Variants in SEC14L1 observed in about 807,000 individuals in gnomAD.
SEC14L1 encodes the protein SEC14-like protein 1.
A neutral mutation model predicts 85.3 loss-of-function variants in SEC14L1; 48 were observed. That is an observed-to-expected ratio of 0.56 (90% CI 0.45 to 0.72). SEC14L1 has a LOEUF of 0.72. Ranked by LOEUF, SEC14L1 falls within the 30% of genes least tolerant of loss-of-function variation. SEC14L1 has a pLI of 0.00. For synonymous variants in SEC14L1, 391 were observed against 355.5 expected (o/e 1.10, Z -1.12); for missense variants, 682 against 921.4 (o/e 0.74, Z 3.36).
At chr17:77,197,630 T>TA (rs1338568137) in intron 8 of SEC14L1, among the ~76,000 whole-genome samples, 1 of 151,646 alleles carries the variant, frequency 6.6e-6, no homozygotes, top group Non-Finnish European at 1.5e-5. Flanking sequence ...TTTTTTTTTT[T>TA]ATATATGTAT....
chr17:77,172,816 GAA>G (rs1567908648), intron 3 of SEC14L1, among the ~76,000 whole-genome samples: 1 of 152,138 alleles, frequency 6.6e-6, no homozygotes, highest in Admixed American at 6.5e-5. Context: ...TTTGGATGCG[GAA>G]TACAGATTTT....
At chr17:77,181,264 C>T (rs1168903012) in intron 3 of SEC14L1, 3 of 152,442 alleles carry the variant, frequency 2.0e-5, no homozygotes, top group Admixed American at 6.5e-5. Flanking sequence ...CTGCAGACAT[C>T]ACCACCCCAG....
At chr17:77,102,155 T>A (rs1449287676) in intron 3 of SEC14L1, among the ~76,000 whole-genome samples, 2 of 152,224 alleles carry the variant, frequency 1.3e-5, no homozygotes, top group African/African-American at 4.8e-5. Context: ...CAAAACGCGT[T>A]GAGCATCACA....
chr17:77,205,161 T>C, intron 10 of SEC14L1, 115 bp from the exon 11 acceptor site: 1 of 859,114 alleles, frequency 1.2e-6, no homozygotes, highest in Non-Finnish European at 1.9e-6. Flanking sequence ...TAGGTGACTT[T>C]TTTGATTTAC....
At position 77,161,712 on chromosome 17, in the gene SEC14L1, CTTTTTTTTTTT is replaced by C. The variant is rs763767954; in HGVS notation, c.63+18067_63+18077del. On this transcript the variant is annotated intron_variant, in intron 3 of 16. Transcript: ENST00000436233. ...AATCAGCTGGGTCCTTAAATTGGTTCTTTTTTTTTTTTTTTTTTTTTTTTAAACAACCAGAG... is the reference window on the plus strand; with the variant it reads ...AATCAGCTGGGTCCTTAAATTGGTTCTTTTTTTTTTTTTAAACAACCAGAG... Among the ~76,000 whole-genome samples, 5 of 103,052 alleles carry C rather than the reference CTTTTTTTTTTT, an allele frequency of 4.9e-5. 1 individual carries two copies. The highest frequency in any genetic ancestry group is 3.5e-4 in the South Asian group (1 of 2,882). 67.6% of individuals were successfully genotyped at this position (103,052 alleles called of 152,430 possible).
intron 3 of SEC14L1, among the ~76,000 whole-genome samples, chr17:77,131,784 A>G (rs988399656): frequency 4.6e-5 from 7 of 152,218 alleles, no homozygotes; most frequent in African/African-American, 1.7e-4. Context: ...TAGTCAATGT[A>G]CTTTTTGCAC....
upstream of SEC14L1, among the ~76,000 whole-genome samples, chr17:77,138,672 A>G (rs986156538): frequency 6.6e-6 from 1 of 152,124 alleles, no homozygotes; most frequent in Non-Finnish European, 1.5e-5. Context: ...AAAAATAGCA[A>G]AAAGTAGCCA....
intron 3 of SEC14L1, among the ~76,000 whole-genome samples, chr17:77,112,861 G>A (rs1407265076): frequency 2.0e-5 from 3 of 150,176 alleles, no homozygotes; most frequent in South Asian, 2.1e-4. Context: ...GCGACAGAGC[G>A]AGACTCAAAA....
intron 7 of SEC14L1, 63 bp downstream of exon 7, chr17:77,194,974 C>T (rs976123166): frequency 8.6e-7 from 1 of 1,164,494 alleles, no homozygotes; most frequent in Middle Eastern, 1.9e-4. Flanking sequence ...GCCGTTTTCT[C>T]TCTGTTTGCT....
chr17:77,144,530 G>A (rs1973191889), intron 3 of SEC14L1: 1 of 152,210 alleles, frequency 6.6e-6, no homozygotes, highest in South Asian at 2.1e-4. Context: ...GTATGTTTGT[G>A]GGATTTATAT....
At chr17:77,181,834 T>C (rs1013800940) in intron 3 of SEC14L1, among the ~76,000 whole-genome samples, 1 of 152,214 alleles carries the variant, frequency 6.6e-6, no homozygotes, top group African/African-American at 2.4e-5. Context: ...TGTAAAGAGC[T>C]GTTACTTTGA....
In SEC14L1 at chr17:77,206,510, C is replaced by T; in HGVS notation, c.1341+110C>T. 7.5e-7 allele frequency: 1 copy of T among 1,327,694 alleles called. No homozygotes were observed. The highest frequency in any genetic ancestry group is 1.0e-6 in the Non-Finnish European group (1 of 975,664). The allele number at this position is 1,327,694 out of a possible 1,614,324, so 82.2% of individuals were successfully genotyped here. A position where few individuals can be genotyped will look rare whatever the true frequency, so the allele number is the denominator to read the frequency against. ...AGTCTTAACTTCTTAGGAAAAAAAA[C>T]AATAACATGCAAAGATATAAAATTT... On this transcript the variant is annotated intron_variant, in intron 12 of 16. Transcript: ENST00000436233. The surrounding 1 kb of genome is among the most constrained non-coding windows in gnomAD (Gnocchi z 4.3).
At chr17:77,093,996 G>A (rs1468885616) in intron 3 of SEC14L1, 1 of 152,266 alleles carries the variant, frequency 6.6e-6, no homozygotes, top group Non-Finnish European at 1.5e-5. Context: ...TTTAGACGTG[G>A]TAGCTATGTT....
chr17:77,091,083 TTTTTG>T (rs1208592121), intron 2 of SEC14L1, among the ~76,000 whole-genome samples: 9 of 150,576 alleles, frequency 6.0e-5, no homozygotes, highest in Non-Finnish European at 7.4e-5. Flanking sequence ...ATTTTTGGGG[TTTTTG>T]TTTTGTTTTG....
At chr17:77,115,098 C>T (rs1033098982) in intron 3 of SEC14L1, among the ~76,000 whole-genome samples, 2 of 152,190 alleles carry the variant, frequency 1.3e-5, no homozygotes, top group African/African-American at 2.4e-5. Flanking sequence ...TTTTATATAA[C>T]TTGCAGCCCC....
chr17:77,205,436 T>G (rs1976416864), intron 11 of SEC14L1, 90 bp downstream of exon 11: 1 of 1,185,728 alleles, frequency 8.4e-7, no homozygotes, highest in East Asian at 2.4e-5. Flanking sequence ...ATCTACTTAT[T>G]ATTTTCCAAG....
In SEC14L1 at chr17:77,216,358, G is replaced by T. The variant is rs973387775; in HGVS notation, c.*2335G>T. 7.2e-7 allele frequency: 1 copy of T among 1,392,330 alleles called. No individual in the cohort carries two copies. The allele number at this position is 1,392,330 out of a possible 1,614,324, so 86.2% of individuals were successfully genotyped here. A position where few individuals can be genotyped will look rare whatever the true frequency, so the allele number is the denominator to read the frequency against. Reference sequence around the variant, plus strand: ...TAGGTAGGGTTAGTAGGTAGGGCTAGTAGGTAGGGCTAGTAGGTAGGGCTA... The same window carrying T: ...TAGGTAGGGTTAGTAGGTAGGGCTATTAGGTAGGGCTAGTAGGTAGGGCTA... On this transcript the variant is annotated 3_prime_UTR_variant, in exon 17 of 17. Transcript: ENST00000436233.
chr17:77,124,373 A>G (rs1466883476), intron 3 of SEC14L1, among the ~76,000 whole-genome samples: 2 of 152,180 alleles, frequency 1.3e-5, no homozygotes, highest in African/African-American at 4.8e-5. Context: ...CAAAACAAAA[A>G]CAAAAACCGG....
intron 10 of SEC14L1, among the ~76,000 whole-genome samples, chr17:77,204,061 G>T (rs1567931910): frequency 6.6e-6 from 1 of 152,040 alleles, no homozygotes; most frequent in Non-Finnish European, 1.5e-5. Flanking sequence ...CCATCATCTC[G>T]CTGACTCCAG....
Sources: allele counts gnomAD v4.1 joint callset (sites outside exome capture counted in the v4.1 genomes callset), GRCh38; gene constraint gnomAD v4.1.1; non-coding constraint Gnocchi (gnomAD v3.1); transcripts MANE v1.5; gene names NCBI Gene and HGNC (gene_info 2026-07-23, HGNC 2026-07-21).